ZHX1: variants seen among roughly 807,000 people sequenced by gnomAD.
ZHX1 encodes zinc fingers and homeoboxes protein 1.
ZHX1 carries 20 observed loss-of-function variants against 61.8 expected under a neutral mutation model. The ratio of observed to expected loss-of-function variants is 0.32; its 90% CI spans 0.23 to 0.47. ZHX1 has a LOEUF of 0.47. ZHX1 is among the 20% of genes least tolerant of loss of function. ZHX1 has a pLI of 1.00. For missense variants in ZHX1, 800 were observed against 1,034.8 expected (o/e 0.77, Z 3.11); for synonymous variants, 318 against 352.6 (o/e 0.90, Z 1.10).
chr8:123,269,965 T>C (rs1338964281), intron 1 of ZHX1, among the ~76,000 whole-genome samples: 4 of 11,016 alleles, frequency 3.6e-4, no homozygotes, highest in Non-Finnish European at 4.9e-4. Flanking sequence ...TCAATCAAAT[T>C]TAACCTCTCC....
chr8:123,250,942 T>C (rs578177721), intron 3 of ZHX1, among the ~76,000 whole-genome samples: 1 of 152,338 alleles, frequency 6.6e-6, no homozygotes, highest in South Asian at 2.1e-4. Context: ...TTGTAATTAT[T>C]AAGGGACAGT....
At position 123,253,530 on chromosome 8, in the gene ZHX1, T is replaced by A. The variant is rs772210263; in HGVS notation, c.2417A>T (p.Lys806Ile). Reference protein sequence around the residue: ...NEQDLDELVNKSHMGYEQVRE... With the variant: ...NEQDLDELVNISHMGYEQVRE... The stretch of plus-strand genomic sequence containing the variant: ...GACCTGCTCATAGCCCATATGTGAT[T>A]TGTTAACAAGTTCATCAAGGTCTTG... The change falls in exon 3 of 4, where the codon AAA (lysine) becomes ATA (isoleucine). Residue 806 changes from lysine (K) to isoleucine (I), a missense_variant. Transcript: ENST00000395571. 6.2e-7 allele frequency: 1 copy of A among 1,614,210 alleles called. No individual in the cohort carries two copies. Among genetic ancestry groups the A allele is most frequent in the East Asian group, 2.2e-5 (1 of 44,892 alleles).
chr8:123,275,535 AT>A (rs111576456), upstream of ZHX1: 9,902 of 143,448 alleles, frequency 0.069, 680 homozygotes, highest in African/African-American at 0.19. Flanking sequence ...TGGAAGTCTG[AT>A]TTTTTTTTTT....
Position 123,256,094 on chromosome 8 carries a change from C to A in ZHX1, c.-148G>T, listed in dbSNP as rs1826063969. On this transcript the variant is annotated 5_prime_UTR_variant, in exon 3 of 4. Coordinates refer to ENST00000395571, the MANE Select transcript of ZHX1 (RefSeq NM_007222.5). ...TCTCATTAGCAGCTTTCTCATGGTG[C>A]AATCAAGTAAAGAGCTTATTGTTGG... is the stretch of plus-strand genomic sequence containing the variant. The A allele has an allele frequency of 4.9e-6, 3 of 616,480 alleles. 1 individual carries two copies. In the East Asian group the frequency reaches 9.0e-5, roughly 18 times the overall value. The allele number at this position is 616,480 out of a possible 1,614,324, so 38.2% of individuals were successfully genotyped here.
Position 123,253,307 on chromosome 8 carries a change from A to G in ZHX1, c.*3+15T>C, listed in dbSNP as rs1310707549. 4.4e-6 allele frequency: 7 copies of G among 1,573,172 alleles called. No homozygotes were observed. The highest frequency in any genetic ancestry group is 6.0e-6 in the Non-Finnish European group (7 of 1,165,784). ...TGATGAACATATACGCAGATTAAAA[A>G]TTTTCTTAACTTACATTTCAGTCAT... On this transcript the variant is annotated intron_variant, in intron 3 of 3. Coordinates refer to ENST00000395571, the MANE Select transcript of ZHX1 (RefSeq NM_007222.5).
intron 3 of ZHX1, among the ~76,000 whole-genome samples, chr8:123,251,262 G>A (rs927490078): frequency 3.9e-5 from 6 of 151,908 alleles, no homozygotes; most frequent in Non-Finnish European, 8.8e-5. Flanking sequence ...AGTTTCTTGG[G>A]GCCTCCCAGT....
chr8:123,258,545 G>A (rs1250174593), intron 2 of ZHX1, among the ~76,000 whole-genome samples: 2 of 152,134 alleles, frequency 1.3e-5, no homozygotes, highest in Non-Finnish European at 2.9e-5. Flanking sequence ...TCTCCCAGCT[G>A]AGCTATTTTG....
rs1203467707 is a variant in ZHX1, at chr8:123,249,041, A to G, written c.*1283T>C. 6.6e-6 allele frequency: 1 copy of G among 152,630 alleles called. No homozygotes were observed. The highest frequency in any genetic ancestry group is 2.4e-5 in the African/African-American group (1 of 41,460). The allele number at this position is 152,630 out of a possible 1,614,324, so 9.5% of individuals were successfully genotyped here. ...TTTTCATAACATTTTCAATGGCTGA[A>G]AAACATTTAACCAAGAGCTTAATAT... On this transcript the variant is annotated 3_prime_UTR_variant, in exon 4 of 4. Coordinates refer to ENST00000395571, the MANE Select transcript of ZHX1 (RefSeq NM_007222.5).
At chr8:123,259,724 G>T (rs920643982) in intron 2 of ZHX1, among the ~76,000 whole-genome samples, 1 of 152,144 alleles carries the variant, frequency 6.6e-6, no homozygotes, top group Non-Finnish European at 1.5e-5. Flanking sequence ...TTTAATTGGG[G>T]TATAATAATA....
At chr8:123,275,023 C>T (rs1025461258), upstream of ZHX1, among the ~76,000 whole-genome samples, 6 of 152,210 alleles carry the variant, frequency 3.9e-5, no homozygotes, top group Non-Finnish European at 8.8e-5. Flanking sequence ...CCTCCGCGGG[C>T]CGCAGCTCCA....
At chr8:123,263,502 C>G (rs950614914) in intron 2 of ZHX1, among the ~76,000 whole-genome samples, 1 of 152,022 alleles carries the variant, frequency 6.6e-6, no homozygotes, top group Middle Eastern at 3.2e-3. Flanking sequence ...CAGGGCCCAA[C>G]AAAATACTTA....
intron 2 of ZHX1, among the ~76,000 whole-genome samples, chr8:123,257,593 G>A (rs111251796): frequency 0.012 from 1,816 of 152,250 alleles, 40 homozygotes; most frequent in African/African-American, 0.042. Context: ...ACCGCGGTGC[G>A]AGGGGATGAG....
Position 123,253,996 on chromosome 8 carries a change from C to T in ZHX1, c.1951G>A (p.Asp651Asn), listed in dbSNP as rs1228778296. The T allele has an allele frequency of 6.2e-7, 1 of 1,614,188 alleles. No homozygotes were observed. Among genetic ancestry groups the T allele is most frequent in the Admixed American group, 1.7e-5 (1 of 60,020 alleles). Residue 651 changes from aspartate (D) to asparagine (N), a missense_variant, in exon 3 of 4, where the codon GAT (aspartate) becomes AAT (asparagine). Physicochemically the swap from Asp to Asn is conservative, Grantham distance 23 (BLOSUM62 1). Coordinates refer to ENST00000395571, the MANE Select transcript of ZHX1 (RefSeq NM_007222.5). ...KEEAGETSPA[D>N]ESGAPKSGST... ...CCTGACTTAGGTGCACCAGATTCAT[C>T]TGCAGGAGAAGTTTCTCCAGCTTCT...
chr8:123,251,222 T>C (rs1383802616), intron 3 of ZHX1, among the ~76,000 whole-genome samples: 1 of 152,184 alleles, frequency 6.6e-6, no homozygotes, highest in East Asian at 1.9e-4. Context: ...TGCTTCCCCT[T>C]CTTCCCCTTC....
intron 3 of ZHX1, 59 bp downstream of exon 3, chr8:123,253,263 T>C: frequency 2.2e-6 from 3 of 1,364,686 alleles, no homozygotes; most frequent in Non-Finnish European, 3.0e-6. Context: ...ACAAGGTGAC[T>C]GTTCAAAATG....
chr8:123,266,141 T>C (rs992479848), intron 2 of ZHX1, among the ~76,000 whole-genome samples: 5 of 152,212 alleles, frequency 3.3e-5, no homozygotes, highest in African/African-American at 1.2e-4. Context: ...AAACTAGCAG[T>C]ATCATGAAAT....
chr8:123,268,387 A>T (rs1207818776), intron 1 of ZHX1, among the ~76,000 whole-genome samples: 1 of 152,242 alleles, frequency 6.6e-6, no homozygotes, highest in Non-Finnish European at 1.5e-5. Flanking sequence ...GTTGTTGTAT[A>T]TAATCTAGAT....
chr8:123,272,243 G>A (rs982490844), intron 1 of ZHX1, among the ~76,000 whole-genome samples: 1 of 152,188 alleles, frequency 6.6e-6, no homozygotes. Flanking sequence ...AATCCTGATT[G>A]TCAAATAAGG....
intron 3 of ZHX1, among the ~76,000 whole-genome samples, chr8:123,250,898 T>C (rs1825898532): frequency 6.6e-6 from 1 of 152,250 alleles, no homozygotes; most frequent in Non-Finnish European, 1.5e-5. Context: ...TAATATGGTT[T>C]GGCTCTGTGT....
Sources: gnomAD v4.1 joint callset for allele counts (sites outside exome capture counted in the v4.1 genomes callset) on GRCh38, gnomAD v4.1.1 for gene constraint, MANE v1.5 for transcripts, NCBI Gene and HGNC (gene_info 2026-07-23, HGNC 2026-07-21) for gene names.